MSI2: variants seen among roughly 807,000 people sequenced by gnomAD.
The protein encoded by MSI2 is musashi RNA binding protein 2, also known as RNA-binding protein Musashi homolog 2.
MSI2 carries 17 observed loss-of-function variants against 45.6 expected under a neutral mutation model. That is an observed-to-expected ratio of 0.37 (90% CI 0.26 to 0.56). The LOEUF is 0.56. MSI2 is among the 20% of genes least tolerant of loss of function. The pLI, the probability that MSI2 is intolerant of heterozygous loss-of-function variation, is 0.77. For synonymous variants in MSI2, 156 were observed against 158.2 expected, an observed-to-expected ratio of 0.99 and a Z score of 0.11; for missense variants, 293 against 444.2, an observed-to-expected ratio of 0.66 and a Z score of 3.06.
chr17:57,425,466 G>A (rs1293181342), intron 6 of MSI2, among the ~76,000 whole-genome samples: 5 of 152,162 alleles, frequency 3.3e-5, no homozygotes, highest in Non-Finnish European at 4.4e-5. Flanking sequence ...CTACGGTTGT[G>A]TACACTTTTA....
In MSI2 at chr17:57,494,083, C is replaced by T. The variant is rs140054850; in HGVS notation, c.406-35593C>T. Among the ~76,000 whole-genome samples, 33 of 152,232 alleles carry T rather than the reference C, an allele frequency of 2.2e-4. No homozygotes were observed. The East Asian group carries it at 5.2e-3, about 24-fold the overall frequency. ...CTGGCACTTTTGTATTCACAACTACCGGGTGCGATAAGGCAGTGAGGGTTA... is the reference window on the plus strand; with the variant it reads ...CTGGCACTTTTGTATTCACAACTACTGGGTGCGATAAGGCAGTGAGGGTTA... On this transcript the variant is annotated intron_variant, in intron 6 of 13. Coordinates refer to ENST00000284073, the MANE Select transcript of MSI2 (RefSeq NM_138962.4).
intron 5 of MSI2, among the ~76,000 whole-genome samples, chr17:57,284,728 A>T (rs1567735185): frequency 6.6e-6 from 1 of 152,136 alleles, no homozygotes; most frequent in African/African-American, 2.4e-5. Flanking sequence ...TTTTGGGGTC[A>T]CCATGGAGAT....
At chr17:57,550,511 G>A (rs770821189) in intron 7 of MSI2, among the ~76,000 whole-genome samples, 1 of 152,180 alleles carries the variant, frequency 6.6e-6, no homozygotes, top group Non-Finnish European at 1.5e-5. Context: ...TTGGATTTGG[G>A]GGGGTCACAG....
intron 6 of MSI2, among the ~76,000 whole-genome samples, chr17:57,430,425 G>T (rs2084573307): frequency 6.6e-6 from 1 of 152,182 alleles, no homozygotes; most frequent in Admixed American, 6.5e-5. Flanking sequence ...GTTCCTTGAA[G>T]GCAGGAATGG....
intron 10 of MSI2, among the ~76,000 whole-genome samples, chr17:57,634,431 A>G (rs557592874): frequency 6.6e-6 from 1 of 151,790 alleles, no homozygotes; most frequent in African/African-American, 2.4e-5. Context: ...ACGCGGTTGC[A>G]CTCCAGCCTG....
At chr17:57,617,724 G>C (rs939098619) in intron 9 of MSI2, among the ~76,000 whole-genome samples, 3 of 152,120 alleles carry the variant, frequency 2.0e-5, no homozygotes, top group Non-Finnish European at 4.4e-5. Flanking sequence ...CTTGAGGCCA[G>C]GAGTTTATGA....
rs190771005 is a variant in MSI2 at position 57,577,856 on chromosome 17, C to T, written c.455-19012C>T. On this transcript the variant is annotated intron_variant, in intron 7 of 13. Transcript: ENST00000284073. Reference sequence around the variant, plus strand: ...CCTCGGACTCCAGCCCTTCTTTGGTCGCCACTTGCTTTTGTTCACGGCAGG... The same window carrying T: ...CCTCGGACTCCAGCCCTTCTTTGGTTGCCACTTGCTTTTGTTCACGGCAGG... 3.9e-5 allele frequency among the ~76,000 whole-genome samples: 6 copies of T among 152,238 alleles called. No individual in the cohort carries two copies. In the East Asian group the frequency reaches 9.6e-4, roughly 24 times the overall value.
At chr17:57,509,426 T>G (rs576803608) in intron 6 of MSI2, among the ~76,000 whole-genome samples, 2 of 152,150 alleles carry the variant, frequency 1.3e-5, no homozygotes, top group South Asian at 4.2e-4. Context: ...CTTTTTGTTT[T>G]GTTTTGTTTT....
At chr17:57,257,668 C>T in intron 3 of MSI2, 121 bp downstream of exon 3, 1 of 678,320 alleles carries the variant, frequency 1.5e-6, no homozygotes, top group Non-Finnish European at 2.5e-6. Flanking sequence ...TGGCTGATCT[C>T]GAACGGCGCT....
chr17:57,554,833 C>G (rs558271104), intron 7 of MSI2, among the ~76,000 whole-genome samples: 1 of 152,348 alleles, frequency 6.6e-6, no homozygotes, highest in East Asian at 1.9e-4. Context: ...GGCTTTGGCC[C>G]GTGGGCCATA....
intron 5 of MSI2, among the ~76,000 whole-genome samples, chr17:57,339,432 GC>G (rs1350966106): frequency 6.6e-6 from 1 of 152,100 alleles, no homozygotes; most frequent in Non-Finnish European, 1.5e-5. Context: ...GCCTCCACTT[GC>G]GTGATGCTTT....
intron 7 of MSI2, among the ~76,000 whole-genome samples, chr17:57,535,368 G>A (rs904166951): frequency 1.3e-5 from 2 of 152,200 alleles, no homozygotes; most frequent in Non-Finnish European, 2.9e-5. Context: ...TTGAAAGGAG[G>A]TGAGGAGTCT....
At chr17:57,622,171 T>A (rs1372748123) in intron 9 of MSI2, among the ~76,000 whole-genome samples, 1 of 152,242 alleles carries the variant, frequency 6.6e-6, no homozygotes, top group Non-Finnish European at 1.5e-5. Context: ...CACTCCAGCC[T>A]GGGTGACAGT....
rs1598521028 is a variant in MSI2, at chr17:57,678,995, G to A, written c.*32-554G>A. Among the ~76,000 whole-genome samples, 5 of 152,274 alleles carry A rather than the reference G, an allele frequency of 3.3e-5. No individual in the cohort carries two copies. The South Asian group carries it at 1.0e-3, about 32-fold the overall frequency. Reference sequence around the variant, plus strand: ...AATCCTGGGCCTGTTTTTGTTTCCTGTAACCAAAGCCGGTTATTTGTTGTA... The same window carrying A: ...AATCCTGGGCCTGTTTTTGTTTCCTATAACCAAAGCCGGTTATTTGTTGTA... On this transcript the variant is annotated intron_variant, in intron 13 of 13. Transcript: ENST00000284073.
At chr17:57,463,066 C>T (rs1408355335) in intron 6 of MSI2, among the ~76,000 whole-genome samples, 1 of 152,202 alleles carries the variant, frequency 6.6e-6, no homozygotes, top group Non-Finnish European at 1.5e-5. Context: ...GCCCCTTTCC[C>T]TGCTTATAGC....
chr17:57,557,522 T>G (rs8079649), intron 7 of MSI2, among the ~76,000 whole-genome samples: 84,732 of 152,124 alleles, frequency 0.56, 24,889 homozygotes, highest in African/African-American at 0.76. Context: ...GTTTGCTGTG[T>G]ACTCTGGAAG....
At position 57,456,496 on chromosome 17, in the gene MSI2, G is replaced by A. The variant is rs537097517; in HGVS notation, c.405+55025G>A. On this transcript the variant is annotated intron_variant, in intron 6 of 13. Coordinates refer to ENST00000284073, the MANE Select transcript of MSI2 (RefSeq NM_138962.4). ...CTGTAATCCCAGCTACTCAGGAGGC[G>A]GAGGCAGAGAATTGCTTGAACCTGG... Among the ~76,000 whole-genome samples, 21 of 152,152 alleles carry A rather than the reference G, an allele frequency of 1.4e-4. No homozygotes were observed. In the East Asian group the frequency reaches 1.5e-3, roughly 11 times the overall value.
intron 5 of MSI2, among the ~76,000 whole-genome samples, chr17:57,375,906 T>C (rs1432619172): frequency 1.3e-5 from 2 of 152,188 alleles, no homozygotes; most frequent in Admixed American, 1.3e-4. Flanking sequence ...CGTTAGCCGA[T>C]GCTCACTCTG....
At chr17:57,609,972 A>G (rs1293974183) in intron 8 of MSI2, among the ~76,000 whole-genome samples, 1 of 152,180 alleles carries the variant, frequency 6.6e-6, no homozygotes, top group Admixed American at 6.5e-5. Context: ...TCTGAGCCTC[A>G]GTTTCCTGCT....
Sources: gnomAD v4.1 joint callset for allele counts (sites outside exome capture counted in the v4.1 genomes callset) on GRCh38, gnomAD v4.1.1 for gene constraint, MANE v1.5 for transcripts, NCBI Gene and HGNC (gene_info 2026-07-23, HGNC 2026-07-21) for gene names.